The following ARHGEF7 variants were observed in gnomAD, a reference collection of about 807,000 sequenced individuals.
ARHGEF7 encodes PAK-interacting exchange factor beta.
ARHGEF7 carries 33 observed loss-of-function variants against 109.8 expected under a neutral mutation model. The observed-to-expected ratio is 0.30, with a 90% CI of 0.23 to 0.40. ARHGEF7 has a LOEUF of 0.40. Ranked by LOEUF, ARHGEF7 falls within the 10% of genes least tolerant of loss-of-function variation. The probability of loss-of-function intolerance (pLI) is 1.00; values close to 1 mark genes in which losing one functional copy is unlikely to be tolerated. For missense variants in ARHGEF7, 938 were observed against 1,098.5 expected (o/e 0.85, Z 2.07); for synonymous variants, 458 against 424.6 (o/e 1.08, Z -0.97).
intron 5 of ARHGEF7, among the ~76,000 whole-genome samples, chr13:111,225,073 T>C (rs771137343): frequency 2.6e-5 from 4 of 152,038 alleles, no homozygotes; most frequent in African/African-American, 4.8e-5. Context: ...CGTGTGAAAG[T>C]GAATATTTTC....
intron 8 of ARHGEF7, among the ~76,000 whole-genome samples, chr13:111,261,907 C>A (rs762917706): frequency 6.6e-6 from 1 of 152,104 alleles, no homozygotes; most frequent in African/African-American, 2.4e-5. Context: ...TTAAAAATTT[C>A]TTGAAACAAG....
In ARHGEF7 at chr13:111,288,291, G is replaced by A. The variant is rs115147264; in HGVS notation, c.2045-63G>A. 1,790 of 1,082,756 alleles carry A rather than the reference G, an allele frequency of 1.7e-3. 24 individuals carry two copies. In the African/African-American group the frequency reaches 0.026, roughly 15 times the overall value. 67.1% of individuals were successfully genotyped at this position (1,082,756 alleles called of 1,614,324 possible). On this transcript the variant is annotated intron_variant, in intron 17 of 21. Coordinates refer to ENST00000646102, the MANE Select transcript of ARHGEF7 (RefSeq NM_001354046.2). ...TCGAGTTGATGTCTGCATTGCATTC[G>A]TCTCGCCAGTTGCCCTAGAGGCCTT...
At chr13:111,242,640 T>G (rs979188488) in intron 6 of ARHGEF7, among the ~76,000 whole-genome samples, 2 of 152,310 alleles carry the variant, frequency 1.3e-5, no homozygotes, top group African/African-American at 4.8e-5. Flanking sequence ...GGATTCCACT[T>G]TCTTCACTTA....
intron 2 of ARHGEF7, among the ~76,000 whole-genome samples, chr13:111,189,451 G>A (rs1042435002): frequency 3.3e-5 from 5 of 152,122 alleles, no homozygotes; most frequent in African/African-American, 1.2e-4. Flanking sequence ...TGGCGCATCC[G>A]GAGTTGATTC....
chr13:111,255,529 G>A lies in ARHGEF7; in HGVS notation c.950+11235G>A, dbSNP rs138776806. The stretch of plus-strand genomic sequence containing the variant: ...CTGCAAATGCTCGGGGCCCTACTTG[G>A]CGTCTGGAGCTGAGTTCTCCTGCAG... On this transcript the variant is annotated intron_variant, in intron 8 of 21. Transcript: ENST00000646102. This position sits in a 1 kb window ranked among gnomAD's most constrained non-coding sequence, Gnocchi z 4.1. Among the ~76,000 whole-genome samples, 1 of 152,224 alleles carries A rather than the reference G, an allele frequency of 6.6e-6. No homozygotes were observed. The highest frequency in any genetic ancestry group is 2.1e-4 in the South Asian group (1 of 4,832).
Position 111,137,074 on chromosome 13 carries a change from A to G in ARHGEF7, c.166-16831A>G, listed in dbSNP as rs142068617. On this transcript the variant is annotated intron_variant, in intron 1 of 21. Transcript: ENST00000646102. ...GAATTGAATCTCTTAATAGACCAAT[A>G]ACAGGCTCTGAAATTGAGGCAATAA... is the stretch of plus-strand genomic sequence containing the variant. 2.4e-3 allele frequency among the ~76,000 whole-genome samples: 362 copies of G among 152,348 alleles called. 3 individuals carry two copies. The highest frequency in any genetic ancestry group is 0.02 in the East Asian group (104 of 5,190).
At chr13:111,282,975 A>G in intron 15 of ARHGEF7, 164 bp from the exon 16 acceptor site, 1 of 1,050,376 alleles carries the variant, frequency 9.5e-7, no homozygotes. Flanking sequence ...TTTGGCCCCA[A>G]AAACTGACTG....
At chr13:111,253,569 C>CT (rs1363082209) in intron 8 of ARHGEF7, among the ~76,000 whole-genome samples, 1 of 152,192 alleles carries the variant, frequency 6.6e-6, no homozygotes, top group Admixed American at 6.5e-5. Context: ...AGCGCATGGG[C>CT]TGGCAAACAG....
In ARHGEF7 at chr13:111,281,648, G is replaced by A. The variant is rs559453296; in HGVS notation, c.1725+971G>A. 6.6e-5 allele frequency among the ~76,000 whole-genome samples: 10 copies of A among 152,250 alleles called. No homozygotes were observed. In the East Asian group the frequency reaches 1.9e-3, roughly 29 times the overall value. ...TTTCATGGAGATCAGTTTATCCCAG[G>A]GACGTGTGTGTACACGTGTGTTTAT... is the stretch of plus-strand genomic sequence containing the variant. On this transcript the variant is annotated intron_variant, in intron 15 of 21. Coordinates refer to ENST00000646102, the MANE Select transcript of ARHGEF7 (RefSeq NM_001354046.2).
intron 3 of ARHGEF7, 62 bp from the exon 4 acceptor site, chr13:111,209,810 A>C: frequency 6.3e-7 from 1 of 1,582,842 alleles, no homozygotes; most frequent in Non-Finnish European, 8.6e-7. Flanking sequence ...TCTAGTGTGT[A>C]GTGTGGGTGC....
intron 1 of ARHGEF7, among the ~76,000 whole-genome samples, chr13:111,126,229 G>A (rs925536038): frequency 3.3e-5 from 5 of 152,160 alleles, no homozygotes; most frequent in Non-Finnish European, 7.3e-5. Flanking sequence ...GGTGGCTCAC[G>A]CCTATAATCC....
chr13:111,171,533 C>G (rs1447750767), intron 2 of ARHGEF7, among the ~76,000 whole-genome samples: 5 of 152,306 alleles, frequency 3.3e-5, no homozygotes, highest in African/African-American at 1.2e-4. Context: ...TCCCTTCATG[C>G]TTTGATCTTT....
At chr13:111,167,674 AC>A (rs1206960707) in intron 2 of ARHGEF7, among the ~76,000 whole-genome samples, 2 of 152,202 alleles carry the variant, frequency 1.3e-5, no homozygotes, top group African/African-American at 4.8e-5. Flanking sequence ...TTACAGGCAC[AC>A]GTAAAGGGAA....
intron 2 of ARHGEF7, among the ~76,000 whole-genome samples, chr13:111,160,653 G>GA (rs200617119): frequency 8.0e-5 from 12 of 149,914 alleles, no homozygotes; most frequent in African/African-American, 1.5e-4. Flanking sequence ...TTTCTACAAA[G>GA]AAAAAAAAAA....
At position 111,121,214 on chromosome 13, in the gene ARHGEF7, C is replaced by T. The variant is rs77913515; in HGVS notation, c.165+5523C>T. Among the ~76,000 whole-genome samples the T allele has an allele frequency of 1.8e-4, 28 of 152,258 alleles. No individual in the cohort carries two copies. The East Asian group carries it at 4.5e-3, about 24-fold the overall frequency. On this transcript the variant is annotated intron_variant, in intron 1 of 21. Coordinates refer to ENST00000646102, the MANE Select transcript of ARHGEF7 (RefSeq NM_001354046.2). ...CCCCAAAGGCACCCAGGGTAGGGCC[C>T]CTTGCCCTGGGGGAACCTGCAGAAG...
At chr13:111,287,141 T>C (rs1359703661) in intron 17 of ARHGEF7, among the ~76,000 whole-genome samples, 1 of 152,204 alleles carries the variant, frequency 6.6e-6, no homozygotes, top group Non-Finnish European at 1.5e-5. Flanking sequence ...GTTCATTCTT[T>C]TCTTGTCCTT....
rs999458495 is a variant in ARHGEF7 at position 111,303,264 on chromosome 13, C to T, written c.*151C>T. 20 of 672,792 alleles carry T rather than the reference C, an allele frequency of 3.0e-5. No homozygotes were observed. Among genetic ancestry groups the T allele is most frequent in the Admixed American group, 1.2e-4 (4 of 32,254 alleles). The allele number at this position is 672,792 out of a possible 1,614,324, so 41.7% of individuals were successfully genotyped here. ...TATAGAAAAGCTGGAGCTTATTCTGCGAATGGAGACGATCAAACCATGACT... is the reference window on the plus strand; with the variant it reads ...TATAGAAAAGCTGGAGCTTATTCTGTGAATGGAGACGATCAAACCATGACT... On this transcript the variant is annotated 3_prime_UTR_variant, in exon 22 of 22. Coordinates refer to ENST00000646102, the MANE Select transcript of ARHGEF7 (RefSeq NM_001354046.2).
Position 111,303,201 on chromosome 13 carries a change from A to C in ARHGEF7, c.*88A>C. ...CAAGTCGGGGTGCACTCAGGACCAC[A>C]GGGCAGGGCTGGGTGGGGCGCCACC... is the stretch of plus-strand genomic sequence containing the variant. On this transcript the variant is annotated 3_prime_UTR_variant, in exon 22 of 22. Transcript: ENST00000646102. 98 of 487,882 alleles carry C rather than the reference A, an allele frequency of 2.0e-4. No homozygotes were observed. Among genetic ancestry groups the C allele is most frequent in the Non-Finnish European group, 3.3e-4 (89 of 270,000 alleles). 30.2% of individuals were successfully genotyped at this position (487,882 alleles called of 1,614,324 possible).
intron 5 of ARHGEF7, among the ~76,000 whole-genome samples, chr13:111,220,539 C>T (rs1406939884): frequency 1.3e-5 from 2 of 152,044 alleles, no homozygotes; most frequent in African/African-American, 4.8e-5. Context: ...AAATCCTCTC[C>T]AGTTGGAAGT....
Sources: allele counts gnomAD v4.1 joint callset (sites outside exome capture counted in the v4.1 genomes callset), GRCh38; gene constraint gnomAD v4.1.1; non-coding constraint Gnocchi (gnomAD v3.1); transcripts MANE v1.5; gene names NCBI Gene and HGNC (gene_info 2026-07-23, HGNC 2026-07-21).